Variants in KCNIP4 observed in about 807,000 individuals in gnomAD.
The protein encoded by KCNIP4 is Kv channel-interacting protein 4.
KCNIP4 carries 12 observed loss-of-function variants against 34.0 expected under a neutral mutation model. That is an observed-to-expected ratio of 0.35 (90% CI 0.23 to 0.57). KCNIP4 has a LOEUF of 0.57. KCNIP4 is among the 20% of genes least tolerant of loss of function. The probability of loss-of-function intolerance (pLI) is 0.83; values close to 1 mark genes in which losing one functional copy is unlikely to be tolerated. For missense variants in KCNIP4, 238 were observed against 311.7 expected (o/e 0.76, Z 1.78); for synonymous variants, 124 against 102.2 (o/e 1.21, Z -1.29).
In KCNIP4 at chr4:21,086,039, G is replaced by A. The variant is rs11729786; in HGVS notation, c.62-203330C>T. ...CTGCTCCCTCACTGTGGACTGGAAC[G>A]TGGATATGGTGGTGGGGAGCCAGGT... is the stretch of plus-strand genomic sequence containing the variant. On this transcript the variant is annotated intron_variant, in intron 1 of 8. Transcript: ENST00000382152. Among the ~76,000 whole-genome samples the A allele has an allele frequency of 7.3e-3, 1,105 of 152,234 alleles. 12 individuals are homozygous for A. Among genetic ancestry groups the A allele is most frequent in the East Asian group, 0.026 (134 of 5,160 alleles).
intron 1 of KCNIP4, among the ~76,000 whole-genome samples, chr4:21,096,058 C>T (rs1326314328): frequency 6.6e-6 from 1 of 152,126 alleles, no homozygotes; most frequent in Non-Finnish European, 1.5e-5. Context: ...CTAAAACCCA[C>T]AAACTATCTG....
intron 1 of KCNIP4, among the ~76,000 whole-genome samples, chr4:21,710,025 C>A (rs1441874282): frequency 2.0e-5 from 3 of 152,176 alleles, no homozygotes; most frequent in Admixed American, 2.0e-4. Flanking sequence ...CATTGGCATG[C>A]CCTGCTGGAA....
chr4:21,931,253 A>T (rs533662684), intron 1 of KCNIP4, among the ~76,000 whole-genome samples: 1 of 151,914 alleles, frequency 6.6e-6, no homozygotes, highest in African/African-American at 2.4e-5. Flanking sequence ...TTTTTTATGA[A>T]AACTATCCTT....
intron 1 of KCNIP4, chr4:21,855,541 A>G (rs970948495): frequency 6.6e-6 from 1 of 152,198 alleles, no homozygotes; most frequent in African/African-American, 2.4e-5. Context: ...TGGATTTCAG[A>G]TTATTGTTAA....
At chr4:21,946,385 C>T (rs1227369641) in intron 1 of KCNIP4, among the ~76,000 whole-genome samples, 2 of 152,050 alleles carry the variant, frequency 1.3e-5, no homozygotes, top group African/African-American at 4.8e-5. Flanking sequence ...TATCATAGTA[C>T]AAGATAGTTT....
At chr4:21,917,056 T>C (rs1209919541) in intron 1 of KCNIP4, among the ~76,000 whole-genome samples, 1 of 152,236 alleles carries the variant, frequency 6.6e-6, no homozygotes, top group Non-Finnish European at 1.5e-5. Context: ...CTGTGGTCCA[T>C]TCCTTATGTA....
chr4:21,215,806 T>A (rs949295517), intron 1 of KCNIP4, among the ~76,000 whole-genome samples: 6 of 152,062 alleles, frequency 3.9e-5, no homozygotes, highest in Non-Finnish European at 7.4e-5. Flanking sequence ...TTCTTTGTTG[T>A]TGTTGTTGTT....
At chr4:21,812,786 C>T (rs1721739283) in intron 1 of KCNIP4, among the ~76,000 whole-genome samples, 1 of 152,112 alleles carries the variant, frequency 6.6e-6, no homozygotes, top group Non-Finnish European at 1.5e-5. Context: ...GGGTGCTTTC[C>T]CTACTTTTCA....
chr4:21,750,457 T>C (rs1332264391), intron 1 of KCNIP4, among the ~76,000 whole-genome samples: 2 of 152,124 alleles, frequency 1.3e-5, no homozygotes, highest in African/African-American at 4.8e-5. Flanking sequence ...CAAATATGCC[T>C]CCGCAGCTCT....
intron 1 of KCNIP4, among the ~76,000 whole-genome samples, chr4:21,416,286 T>A (rs1724948247): frequency 6.6e-6 from 1 of 152,222 alleles, no homozygotes; most frequent in South Asian, 2.1e-4. Context: ...TTTCAAATTA[T>A]GTGTAACTTG....
rs148061810 is a variant in KCNIP4 at position 21,042,012 on chromosome 4, G to A, written c.62-159303C>T. ...GCAAGGATTGGATTAGGTGACCCAG[G>A]CATGTGCAAGCAGCCAGCACAATGC... On this transcript the variant is annotated intron_variant, in intron 1 of 8. Transcript: ENST00000382152. Among the ~76,000 whole-genome samples, 692 of 152,260 alleles carry A rather than the reference G, an allele frequency of 4.5e-3. 6 individuals are homozygous for A. The highest frequency in any genetic ancestry group is 0.016 in the African/African-American group (660 of 41,546).
chr4:20,794,162 T>G (rs895993409), intron 3 of KCNIP4, among the ~76,000 whole-genome samples: 1 of 152,164 alleles, frequency 6.6e-6, no homozygotes, highest in African/African-American at 2.4e-5. Context: ...TTAAACCTCT[T>G]TTTCTTCCCA....
At chr4:20,841,545 C>T (rs936645463) in intron 3 of KCNIP4, among the ~76,000 whole-genome samples, 6 of 152,058 alleles carry the variant, frequency 3.9e-5, no homozygotes, top group Non-Finnish European at 5.9e-5. Context: ...CCTTTTAATC[C>T]AAAACATCAC....
intron 1 of KCNIP4, among the ~76,000 whole-genome samples, chr4:21,050,789 T>C (rs1577599831): frequency 6.6e-6 from 1 of 152,222 alleles, no homozygotes; most frequent in Non-Finnish European, 1.5e-5. Flanking sequence ...GCAAAACTAT[T>C]TGATAGATCG....
intron 1 of KCNIP4, among the ~76,000 whole-genome samples, chr4:21,352,642 G>C (rs1052149271): frequency 2.6e-5 from 4 of 152,366 alleles, no homozygotes; most frequent in East Asian, 1.9e-4. Flanking sequence ...ACTGGGCGGA[G>C]CCCACCACAG....
intron 1 of KCNIP4, among the ~76,000 whole-genome samples, chr4:21,775,098 T>G (rs1719083614): frequency 6.6e-6 from 1 of 152,160 alleles, no homozygotes; most frequent in African/African-American, 2.4e-5. Context: ...CTAGTTTTGG[T>G]CTTTGAGGCT....
At chr4:21,372,183 T>C (rs1720507594) in intron 1 of KCNIP4, among the ~76,000 whole-genome samples, 1 of 147,216 alleles carries the variant, frequency 6.8e-6, no homozygotes, top group Non-Finnish European at 1.5e-5. Flanking sequence ...TCTTTACATT[T>C]TCTAGAAGGC....
chr4:21,257,266 A>G (rs1761122122), intron 1 of KCNIP4, among the ~76,000 whole-genome samples: 1 of 152,184 alleles, frequency 6.6e-6, no homozygotes, highest in Non-Finnish European at 1.5e-5. Flanking sequence ...AGACACTTCT[A>G]TACACATGTC....
intron 1 of KCNIP4, among the ~76,000 whole-genome samples, chr4:21,939,917 G>C (rs1730106085): frequency 6.6e-6 from 1 of 152,076 alleles, no homozygotes; most frequent in Non-Finnish European, 1.5e-5. Flanking sequence ...TTAAAAATTA[G>C]AGAAACATCC....
Sources: gnomAD v4.1 joint callset for allele counts (sites outside exome capture counted in the v4.1 genomes callset) on GRCh38, gnomAD v4.1.1 for gene constraint, MANE v1.5 for transcripts, NCBI Gene and HGNC (gene_info 2026-07-23, HGNC 2026-07-21) for gene names.